Variants in NIBAN2 observed in about 807,000 individuals in gnomAD.
NIBAN2 encodes the protein niban apoptosis regulator 2.
Under a neutral mutation model 81.8 loss-of-function variants are expected in NIBAN2, and 36 were observed. The ratio of observed to expected loss-of-function variants is 0.44; its 90% CI spans 0.34 to 0.58. The LOEUF (loss-of-function observed/expected upper bound fraction) is 0.58, where lower values mean the gene tolerates loss of function less well. Ranked by LOEUF, NIBAN2 falls within the 20% of genes least tolerant of loss-of-function variation. The pLI, the probability that NIBAN2 is intolerant of heterozygous loss-of-function variation, is 0.02. For synonymous variants in NIBAN2, 445 were observed against 441.6 expected, an observed-to-expected ratio of 1.01 and a Z score of -0.10; for missense variants, 897 against 1,014.1, an observed-to-expected ratio of 0.88 and a Z score of 1.57.
At chr9:127,566,886 C>T (rs890390746) in intron 1 of NIBAN2, among the ~76,000 whole-genome samples, 2 of 151,934 alleles carry the variant, frequency 1.3e-5, no homozygotes, top group African/African-American at 4.8e-5. Flanking sequence ...CCGCTGCCCC[C>T]TTCCAACACC....
rs1037017645 is a variant in NIBAN2 at position 127,545,079 on chromosome 9, C to T, written c.56-13301G>A. On this transcript the variant is annotated intron_variant, in intron 1 of 13. Coordinates refer to ENST00000373312, the MANE Select transcript of NIBAN2 (RefSeq NM_022833.4). This position sits in a 1 kb window ranked among gnomAD's most constrained non-coding sequence, Gnocchi z 4.7. The stretch of plus-strand genomic sequence containing the variant: ...GGCTTTCACACCCAGCGAACCCAAG[C>T]GAACCGCAACCTCAGCCCCTCAGCT... Among the ~76,000 whole-genome samples, 2 of 152,188 alleles carry T rather than the reference C, an allele frequency of 1.3e-5. No homozygotes were observed. The highest frequency in any genetic ancestry group is 1.5e-5 in the Non-Finnish European group (1 of 68,030).
Position 127,525,148 on chromosome 9 carries a change from C to A in NIBAN2, c.331G>T (p.Val111Phe). 6.2e-7 allele frequency: 1 copy of A among 1,614,052 alleles called. No individual in the cohort carries two copies. Among genetic ancestry groups the A allele is most frequent in the Non-Finnish European group, 8.5e-7 (1 of 1,179,980 alleles). ...YENKAAYERQ[V>F]PPRAVINSAG... The stretch of plus-strand genomic sequence containing the variant: ...CTGTTGATGACGGCTCGTGGTGGGA[C>A]CTGCCGCTCATAGGCCTGAGGGAGG... Residue 111 changes from valine (V) to phenylalanine (F), a missense_variant, in exon 4 of 14, where the codon GTC (valine) becomes TTC (phenylalanine). Val to Phe is a conservative substitution (Grantham distance 50, BLOSUM62 -1). This residue lies in a region of NIBAN2 where 209 missense variants were observed against 208.4 expected (regional missense o/e 1.00). Transcript: ENST00000373312.
rs761022575 is a variant in NIBAN2 at position 127,506,983 on chromosome 9, G to A, written c.2103C>T (p.Leu701=). 212 of 1,600,532 alleles carry A rather than the reference G, an allele frequency of 1.3e-4. No homozygotes were observed. Among genetic ancestry groups the A allele is most frequent in the Admixed American group, 4.1e-4 (24 of 58,862 alleles). The change falls in exon 14 of 14, where the codon CTC becomes CTT. Residue 701 remains leucine (L), a synonymous_variant. Coordinates refer to ENST00000373312, the MANE Select transcript of NIBAN2 (RefSeq NM_022833.4). ...CAAGGTCCACAGCCTTTCCAGGCAG[G>A]AGATGCTGGAGGGGTGAGGCAGGCG... The part of the protein sequence containing the change: ...SSPPASPLQH[L]LPGKAVDLGP...
intron 1 of NIBAN2, among the ~76,000 whole-genome samples, chr9:127,556,642 A>C (rs1256072131): frequency 5.9e-5 from 9 of 152,250 alleles, no homozygotes; most frequent in Admixed American, 5.9e-4. Context: ...CAGCCAATGA[A>C]ACTAAGGCAT....
intron 1 of NIBAN2, among the ~76,000 whole-genome samples, chr9:127,577,554 A>C (rs1294050931): frequency 2.6e-5 from 3 of 114,812 alleles, no homozygotes; most frequent in Non-Finnish European, 5.4e-5. Context: ...CAGATCCAAT[A>C]CCCCACGCTT....
rs1055620927 is a variant in NIBAN2, at chr9:127,516,995, C to T, written c.835G>A (p.Val279Met). ...IQISDAVYHM[V>M]YEQAKARFEE... ...AAGCGCGCCTTGGCCTGCTCGTACA[C>T]CATGTGGTACACGGCGTCCGAGATC... Residue 279 changes from valine to methionine, a missense_variant, in exon 8 of 14, where the codon GTG (valine) becomes ATG (methionine). By Grantham distance (21) the Val-to-Met change is conservative. This residue lies in a region of NIBAN2 where 619 missense variants were observed against 691.0 expected (regional missense o/e 0.90). Coordinates refer to ENST00000373312, the MANE Select transcript of NIBAN2 (RefSeq NM_022833.4). The T allele has an allele frequency of 1.2e-5, 20 of 1,613,886 alleles. No homozygotes were observed. Among genetic ancestry groups the T allele is most frequent in the Non-Finnish European group, 1.7e-5 (20 of 1,179,966 alleles).
chr9:127,527,454 C>T lies in NIBAN2; in HGVS notation c.187-132G>A, dbSNP rs78973598. 2.1e-3 allele frequency: 1,717 copies of T among 799,284 alleles called. 25 individuals carry two copies. The African/African-American group carries it at 0.026, about 12-fold the overall frequency. 49.5% of individuals were successfully genotyped at this position (799,284 alleles called of 1,614,324 possible). On this transcript the variant is annotated intron_variant, in intron 2 of 13. Coordinates refer to ENST00000373312, the MANE Select transcript of NIBAN2 (RefSeq NM_022833.4). ...GCATGTCCTCCATTTTGGGTCTCCCCAAGTCCTCCCAAGGCCTCTGAGGCC... is the reference window on the plus strand; with the variant it reads ...GCATGTCCTCCATTTTGGGTCTCCCTAAGTCCTCCCAAGGCCTCTGAGGCC...
chr9:127,558,575 C>T (rs1837716980), intron 1 of NIBAN2, among the ~76,000 whole-genome samples: 1 of 152,124 alleles, frequency 6.6e-6, no homozygotes, highest in Admixed American at 6.5e-5. Flanking sequence ...CTCATCAGCA[C>T]CTCAAAAATC....
chr9:127,516,880 T>A lies in NIBAN2; in HGVS notation c.950A>T (p.Glu317Val). 6.2e-7 allele frequency: 1 copy of A among 1,613,568 alleles called. No homozygotes were observed. The highest frequency in any genetic ancestry group is 2.2e-5 in the East Asian group (1 of 44,868). ...TDMDQIITSKEHLASKIRAFI... is the reference protein window; with the variant it reads ...TDMDQIITSKVHLASKIRAFI... ...ACCTCGGATCTTGCTGGCAAGGTGC[T>A]CCTTGGAGGTGATAATTTGGTCCAT... Residue 317 changes from glutamate (E) to valine (V), a missense_variant, in exon 8 of 14, where the codon GAG becomes GTG. Transcript: ENST00000373312.
chr9:127,539,018 TTTATACAAAGACTGTGTA>T (rs1484354480), intron 1 of NIBAN2, among the ~76,000 whole-genome samples: 2 of 151,862 alleles, frequency 1.3e-5, no homozygotes, highest in Non-Finnish European at 2.9e-5. Context: ...AAATGGATAA[TTTATACAAAGACTGTGTA>T]TTAGGGACAT....
At position 127,516,867 on chromosome 9, in the gene NIBAN2, G is replaced by A. The variant is rs1381199457; in HGVS notation, c.963C>T (p.Ser321=). The change falls in exon 8 of 14, where the codon AGC becomes AGT. Residue 321 remains serine, a synonymous_variant. Coordinates refer to ENST00000373312, the MANE Select transcript of NIBAN2 (RefSeq NM_022833.4). ...GGGGTGGCTGCCTACCTCGGATCTT[G>A]CTGGCAAGGTGCTCCTTGGAGGTGA... ...QIITSKEHLA[S]KIRAFILPKA... 1 of 1,612,520 alleles carries A rather than the reference G, an allele frequency of 6.2e-7. No homozygotes were observed. The highest frequency in any genetic ancestry group is 2.2e-5 in the East Asian group (1 of 44,828).
At position 127,540,401 on chromosome 9, in the gene NIBAN2, A is replaced by G. The variant is rs530384184; in HGVS notation, c.56-8623T>C. Among the ~76,000 whole-genome samples, 198 of 152,216 alleles carry G rather than the reference A, an allele frequency of 1.3e-3. 3 individuals are homozygous for G. The highest frequency in any genetic ancestry group is 1.6e-3 in the Non-Finnish European group (112 of 68,004). On this transcript the variant is annotated intron_variant, in intron 1 of 13. Transcript: ENST00000373312. ...AGGGGTTCTCAGAAAATGGACCTAAAAAGGCGTATCCCGGAGGGCCTCGAA... is the reference window on the plus strand; with the variant it reads ...AGGGGTTCTCAGAAAATGGACCTAAGAAGGCGTATCCCGGAGGGCCTCGAA...
At chr9:127,540,423 C>T (rs1231457350) in intron 1 of NIBAN2, among the ~76,000 whole-genome samples, 6 of 152,302 alleles carry the variant, frequency 3.9e-5, no homozygotes, top group East Asian at 1.9e-4. Context: ...CGGAGGGCCT[C>T]GAATGCCAAG....
chr9:127,509,065 C>T lies in NIBAN2; in HGVS notation c.1228G>A (p.Glu410Lys). The T allele has an allele frequency of 1.9e-6, 3 of 1,613,752 alleles. No individual in the cohort carries two copies. The highest frequency in any genetic ancestry group is 2.5e-6 in the Non-Finnish European group (3 of 1,179,940). The stretch of plus-strand genomic sequence containing the variant: ...TGCAGCCCGTCCAGTCGCAGCGACT[C>T]CATCTTCTCATAGCAGCTCTGCATC... ...LKMQSCYEKMESLRLDGLQQR... is the reference protein window; with the variant it reads ...LKMQSCYEKMKSLRLDGLQQR... The change falls in exon 10 of 14, where the codon GAG becomes AAG. Residue 410 changes from glutamate (E) to lysine (K), a missense_variant. Glu to Lys is a moderately conservative substitution (Grantham distance 56). This residue lies in a region of NIBAN2 where 619 missense variants were observed against 691.0 expected (regional missense o/e 0.90). Transcript: ENST00000373312.
chr9:127,543,506 G>A (rs1837419057), intron 1 of NIBAN2, among the ~76,000 whole-genome samples: 1 of 152,184 alleles, frequency 6.6e-6, no homozygotes, highest in African/African-American at 2.4e-5. Flanking sequence ...ACTTTGTAAA[G>A]GATCTCTCTG....
upstream of NIBAN2, among the ~76,000 whole-genome samples, chr9:127,570,443 C>T (rs535652000): frequency 2.6e-5 from 4 of 152,276 alleles, no homozygotes; most frequent in East Asian, 7.7e-4. Flanking sequence ...AGTGGCATTA[C>T]CCCTTTGAAC....
In NIBAN2 at chr9:127,559,407, C is replaced by T. The variant is rs1837732115; in HGVS notation, c.55+9413G>A. Among the ~76,000 whole-genome samples the T allele has an allele frequency of 6.6e-6, 1 of 152,184 alleles. No homozygotes were observed. The highest frequency in any genetic ancestry group is 2.4e-5 in the African/African-American group (1 of 41,436). On this transcript the variant is annotated intron_variant, in intron 1 of 13. Transcript: ENST00000373312. The surrounding 1 kb of genome is among the most constrained non-coding windows in gnomAD (Gnocchi z 4.0). The stretch of plus-strand genomic sequence containing the variant: ...AGATAGGCAAAGTGAGGAGGAGGCA[C>T]AGAGAAAAGGAAGGGCTTGTCAGAG...
intron 1 of NIBAN2, among the ~76,000 whole-genome samples, chr9:127,555,808 G>A (rs1362242033): frequency 2.6e-5 from 4 of 152,214 alleles, no homozygotes; most frequent in Non-Finnish European, 4.4e-5. Context: ...TTCGCCCTCC[G>A]GTAATGATTT....
chr9:127,538,341 T>C (rs1837316703), intron 1 of NIBAN2, among the ~76,000 whole-genome samples: 1 of 152,082 alleles, frequency 6.6e-6, no homozygotes, highest in Non-Finnish European at 1.5e-5. Context: ...TACTGCATGC[T>C]CCACAGCCTG....
Sources: gnomAD v4.1 joint callset for allele counts (sites outside exome capture counted in the v4.1 genomes callset) on GRCh38, gnomAD v4.1.1 for gene constraint, gnomAD v4.1.1 regional missense constraint, Gnocchi (gnomAD v3.1) non-coding constraint, MANE v1.5 for transcripts, NCBI Gene and HGNC (gene_info 2026-07-23, HGNC 2026-07-21) for gene names.